Variants in SLC35D4 observed in about 807,000 individuals in gnomAD.
SLC35D4 encodes solute carrier family 35 member D4, also known as UDP-N-acetylglucosamine transporter SLC35D4.
the SLC35D4 span, among the ~76,000 whole-genome samples, chr18:23,418,815 G>A: frequency 3.9e-5 from 6 of 151,928 alleles, no homozygotes; most frequent in East Asian, 1.2e-3. Context: ...AGACCATCCT[G>A]GCTAACGTGG....
the SLC35D4 span, among the ~76,000 whole-genome samples, chr18:23,262,140 C>A: frequency 6.6e-6 from 1 of 152,110 alleles, no homozygotes; most frequent in African/African-American, 2.4e-5. Context: ...AAATTTTTTT[C>A]TTTAATACCA....
chr18:23,355,700 T>C, the SLC35D4 span, among the ~76,000 whole-genome samples: 1 of 152,090 alleles, frequency 6.6e-6, no homozygotes, highest in African/African-American at 2.4e-5. Context: ...AAGGCACTGT[T>C]TGATATCTGT....
At chr18:23,243,263 C>A in the SLC35D4 span, among the ~76,000 whole-genome samples, 1 of 151,862 alleles carries the variant, frequency 6.6e-6, no homozygotes, top group Admixed American at 6.6e-5. Flanking sequence ...AAGAAAATGT[C>A]ACATCACATT....
chr18:23,308,295 C>T, the SLC35D4 span, among the ~76,000 whole-genome samples: 3 of 152,086 alleles, frequency 2.0e-5, no homozygotes, highest in Admixed American at 2.0e-4. Flanking sequence ...AAAGGCTCTC[C>T]CCTCCCCAGA....
chr18:23,385,918 T>G, the SLC35D4 span, among the ~76,000 whole-genome samples: 3 of 151,260 alleles, frequency 2.0e-5, no homozygotes, highest in South Asian at 6.3e-4. Flanking sequence ...AATCACGAGG[T>G]CAGGAGATCG....
At chr18:23,280,881 C>A in the SLC35D4 span, among the ~76,000 whole-genome samples, 2 of 152,160 alleles carry the variant, frequency 1.3e-5, no homozygotes, top group Non-Finnish European at 2.9e-5. Flanking sequence ...TCACCTATCT[C>A]CAGCTTCCAG....
At chr18:23,321,270 C>T in the SLC35D4 span, among the ~76,000 whole-genome samples, 3 of 152,126 alleles carry the variant, frequency 2.0e-5, no homozygotes, top group Admixed American at 6.5e-5. Context: ...ATTTATTTTT[C>T]CCCTAGTTGT....
chr18:23,372,570 C>T, the SLC35D4 span, among the ~76,000 whole-genome samples: 3 of 152,220 alleles, frequency 2.0e-5, no homozygotes, highest in African/African-American at 7.2e-5. Context: ...AATGCTCCCA[C>T]CCTCACAGAA....
At chr18:23,377,776 A>C in the SLC35D4 span, 1 of 1,033,832 alleles carries the variant, frequency 9.7e-7, no homozygotes, top group Non-Finnish European at 1.3e-6. Context: ...GAGTAGATTT[A>C]TCAAGAGCTT....
At chr18:23,397,099 C>T in the SLC35D4 span, among the ~76,000 whole-genome samples, 2 of 151,856 alleles carry the variant, frequency 1.3e-5, no homozygotes, top group African/African-American at 2.4e-5. Context: ...GTGTGTGGGG[C>T]GGCGGGGGGA....
At chr18:23,294,419 A>G in the SLC35D4 span, among the ~76,000 whole-genome samples, 1 of 152,206 alleles carries the variant, frequency 6.6e-6, no homozygotes, top group Non-Finnish European at 1.5e-5. Context: ...ATTTGGGCAT[A>G]GAAGATGGTG....
the SLC35D4 span, among the ~76,000 whole-genome samples, chr18:23,262,000 T>C: frequency 6.6e-6 from 1 of 152,206 alleles, no homozygotes; most frequent in Non-Finnish European, 1.5e-5. Context: ...TTATTAAAGA[T>C]GCAGAATCTA....
chr18:23,354,493 C>T, the SLC35D4 span, among the ~76,000 whole-genome samples: 1 of 148,344 alleles, frequency 6.7e-6, no homozygotes, highest in Admixed American at 6.8e-5. Context: ...GCACTCTAAC[C>T]TGGGCGACAG....
At chr18:23,327,704 T>C in the SLC35D4 span, among the ~76,000 whole-genome samples, 136 of 152,308 alleles carry the variant, frequency 8.9e-4, 1 homozygote, top group Non-Finnish European at 1.8e-3. Context: ...ACTCATTTTA[T>C]GAGGGCAGCA....
the SLC35D4 span, among the ~76,000 whole-genome samples, chr18:23,274,091 C>T: frequency 6.6e-5 from 10 of 152,112 alleles, no homozygotes; most frequent in South Asian, 8.3e-4. Context: ...CACGCCACCA[C>T]GCCTGGCTAG....
At chr18:23,421,896 C>T in the SLC35D4 span, among the ~76,000 whole-genome samples, 2 of 151,896 alleles carry the variant, frequency 1.3e-5, no homozygotes, top group African/African-American at 4.8e-5. Flanking sequence ...CCAGGGTGGT[C>T]TCAATCTCCT....
chr18:23,359,089 A>C, the SLC35D4 span, among the ~76,000 whole-genome samples: 1 of 152,160 alleles, frequency 6.6e-6, no homozygotes, highest in Non-Finnish European at 1.5e-5. Context: ...CAAGTGGCTA[A>C]AGAGTTTGTA....
the SLC35D4 span, chr18:23,370,126 C>T: frequency 8.7e-7 from 1 of 1,155,526 alleles, no homozygotes. Flanking sequence ...GTGCGGTGAG[C>T]TGAGACCGCG....
chr18:23,285,564 C>G, the SLC35D4 span, among the ~76,000 whole-genome samples: 3 of 152,174 alleles, frequency 2.0e-5, no homozygotes, highest in Non-Finnish European at 4.4e-5. Context: ...TTTTACACAT[C>G]AGGCCGTCCC....
Sources: allele counts gnomAD v4.1 joint callset (sites outside exome capture counted in the v4.1 genomes callset), GRCh38; gene constraint gnomAD v4.1.1; transcripts MANE v1.5; gene names NCBI Gene and HGNC (gene_info 2026-07-23, HGNC 2026-07-21).